The following C12orf42 variants were observed in gnomAD, a reference collection of about 807,000 sequenced individuals.
C12orf42 encodes the protein uncharacterized protein C12orf42.
C12orf42 carries 25 observed loss-of-function variants against 21.6 expected under a neutral mutation model. The observed-to-expected ratio is 1.16, with a 90% CI of 0.84 to 1.62. C12orf42 has a LOEUF of 1.62. Among genes scored for constraint, C12orf42 ranks in the 40% most tolerant of loss-of-function variants. The pLI, the probability that C12orf42 is intolerant of heterozygous loss-of-function variation, is 0.00. For synonymous variants in C12orf42, 174 were observed against 175.0 expected (o/e 0.99, Z 0.05); for missense variants, 483 against 459.3 (o/e 1.05, Z -0.47).
chr12:103,345,656 C>A (rs547620543), intron 4 of C12orf42, among the ~76,000 whole-genome samples: 1 of 152,076 alleles, frequency 6.6e-6, no homozygotes, highest in Non-Finnish European at 1.5e-5. Flanking sequence ...TTTATAGAAG[C>A]AAGCATTTTA....
intron 2 of C12orf42, among the ~76,000 whole-genome samples, chr12:103,469,146 A>G (rs756045499): frequency 5.9e-5 from 9 of 152,188 alleles, no homozygotes; most frequent in Non-Finnish European, 1.0e-4. Context: ...GGGACGTCCA[A>G]TTGGTGTTAA....
At chr12:103,499,836 A>C (rs1171402182), upstream of C12orf42, among the ~76,000 whole-genome samples, 4 of 152,214 alleles carry the variant, frequency 2.6e-5, no homozygotes, top group Non-Finnish European at 5.9e-5. Flanking sequence ...ATCAGACATA[A>C]GAATGTGAGT....
At chr12:103,507,783 A>G in the C12orf42 span, among the ~76,000 whole-genome samples, 1 of 152,170 alleles carries the variant, frequency 6.6e-6, no homozygotes, top group African/African-American at 2.4e-5. Context: ...TTGAAGAGGC[A>G]TCAGGCATAA....
At chr12:103,482,006 C>T (rs1210355977) in intron 1 of C12orf42, among the ~76,000 whole-genome samples, 2 of 152,056 alleles carry the variant, frequency 1.3e-5, no homozygotes, top group Non-Finnish European at 2.9e-5. Context: ...GGACCACCCA[C>T]TGCCAAATTC....
At chr12:103,283,861 G>A (rs2036279861) in intron 4 of C12orf42, among the ~76,000 whole-genome samples, 1 of 152,178 alleles carries the variant, frequency 6.6e-6, no homozygotes, top group African/African-American at 2.4e-5. Context: ...CTAGGGAATA[G>A]CCTGTCTCCT....
intron 1 of C12orf42, among the ~76,000 whole-genome samples, chr12:103,488,839 T>C (rs1432817421): frequency 2.0e-5 from 3 of 152,226 alleles, no homozygotes; most frequent in South Asian, 2.1e-4. Context: ...TTATTCTAGT[T>C]AGCCATTCGT....
chr12:103,166,013 C>G, the C12orf42 span, among the ~76,000 whole-genome samples: 1 of 150,626 alleles, frequency 6.6e-6, no homozygotes, highest in Non-Finnish European at 1.5e-5. Flanking sequence ...GCACTCCAGC[C>G]TGGGTGACAG....
At chr12:103,343,604 C>A (rs1287330187) in intron 4 of C12orf42, among the ~76,000 whole-genome samples, 1 of 151,746 alleles carries the variant, frequency 6.6e-6, no homozygotes, top group African/African-American at 2.4e-5. Flanking sequence ...CATGGTGAAA[C>A]CCCGTTTCTA....
chr12:103,227,663 C>T, the C12orf42 span, among the ~76,000 whole-genome samples: 15 of 152,028 alleles, frequency 9.9e-5, no homozygotes, highest in African/African-American at 2.4e-4. Flanking sequence ...CGGGACTTGC[C>T]GCTAAGGGTG....
At chr12:103,295,411 A>G (rs1192027165) in intron 4 of C12orf42, among the ~76,000 whole-genome samples, 1 of 143,890 alleles carries the variant, frequency 6.9e-6, no homozygotes, top group Non-Finnish European at 1.5e-5. Context: ...AACTGCATAC[A>G]TTGTTTTTTT....
intron 4 of C12orf42, among the ~76,000 whole-genome samples, chr12:103,326,826 T>A (rs1398959644): frequency 6.6e-6 from 1 of 152,344 alleles, no homozygotes; most frequent in African/African-American, 2.4e-5. Context: ...TCATAAGACT[T>A]AGCACTGCCT....
chr12:103,184,246 C>T, the C12orf42 span, among the ~76,000 whole-genome samples: 2 of 152,086 alleles, frequency 1.3e-5, no homozygotes, highest in Admixed American at 6.5e-5. Flanking sequence ...TTGGTGCATA[C>T]CTGTTAAGAT....
At chr12:103,253,810 T>C (rs147328145) in intron 10 of C12orf42, among the ~76,000 whole-genome samples, 110 of 147,650 alleles carry the variant, frequency 7.5e-4, no homozygotes, top group South Asian at 3.0e-3. Context: ...AACAACTTTG[T>C]CCACTTTTTA....
chr12:103,193,475 A>T, the C12orf42 span, among the ~76,000 whole-genome samples: 31 of 152,040 alleles, frequency 2.0e-4, no homozygotes, highest in Admixed American at 1.7e-3. Flanking sequence ...AAAATCAACA[A>T]GAAAAAGAAG....
the C12orf42 span, among the ~76,000 whole-genome samples, chr12:103,119,313 C>T: frequency 3.9e-5 from 6 of 152,128 alleles, no homozygotes; most frequent in African/African-American, 9.7e-5. Context: ...AATGAGATAA[C>T]ACATGAGAAG....
At chr12:103,290,691 C>T (rs1335777689) in intron 4 of C12orf42, among the ~76,000 whole-genome samples, 5 of 152,234 alleles carry the variant, frequency 3.3e-5, no homozygotes, top group South Asian at 2.1e-4. Context: ...CTAACATCTG[C>T]CCACACATTA....
chr12:103,476,496 G>A (rs1954061668), intron 2 of C12orf42, among the ~76,000 whole-genome samples: 1 of 152,162 alleles, frequency 6.6e-6, no homozygotes, highest in Non-Finnish European at 1.5e-5. Context: ...CCCACTAAAG[G>A]ATTCTGATTG....
At chr12:103,210,639 C>CTTTTTTTTTTTTTTTT in the C12orf42 span, among the ~76,000 whole-genome samples, 30 of 77,664 alleles carry the variant, frequency 3.9e-4, 1 homozygote, top group Non-Finnish European at 5.9e-4. Context: ...CCCTCTATTT[C>CTTTTTTTTTTTTTTTT]TTTTTTTTTT....
At chr12:103,337,629 G>T (rs139406774) in intron 4 of C12orf42, among the ~76,000 whole-genome samples, 397 of 152,274 alleles carry the variant, frequency 2.6e-3, no homozygotes, top group African/African-American at 8.6e-3. Context: ...TGGGATTACA[G>T]GTGTGAGCCA....
Sources: gnomAD v4.1 joint callset for allele counts (sites outside exome capture counted in the v4.1 genomes callset) on GRCh38, gnomAD v4.1.1 for gene constraint, MANE v1.5 for transcripts, NCBI Gene and HGNC (gene_info 2026-07-23, HGNC 2026-07-21) for gene names.